The following IPO11 variants were observed in gnomAD, a reference collection of about 807,000 sequenced individuals.
The protein encoded by IPO11 is importin-11.
A neutral mutation model predicts 143.2 loss-of-function variants in IPO11; 66 were observed. The observed-to-expected ratio is 0.46, with a 90% confidence interval of 0.38 to 0.57. The LOEUF (loss-of-function observed/expected upper bound fraction) is 0.57, where lower values mean the gene tolerates loss of function less well. Among genes scored for constraint, IPO11 ranks in the 20% least tolerant of loss-of-function variants. The pLI, the probability that IPO11 is intolerant of heterozygous loss-of-function variation, is 0.00. For missense variants in IPO11, 1,026 were observed against 1,141.0 expected (o/e 0.90, Z 1.45); for synonymous variants, 385 against 377.8 (o/e 1.02, Z -0.22).
At position 62,458,843 on chromosome 5, in the gene IPO11, C is replaced by T. The variant is rs114322839; in HGVS notation, c.516+6910C>T. Among the ~76,000 whole-genome samples, 1,389 of 152,284 alleles carry T rather than the reference C, an allele frequency of 9.1e-3. 20 individuals are homozygous for T. The highest frequency in any genetic ancestry group is 0.031 in the African/African-American group (1,309 of 41,562). ...GATTTTGAATATAGCATGGTGCGTA[C>T]TCTTCCTGTATTGATTCATAAAGCC... On this transcript the variant is annotated intron_variant, in intron 5 of 29. Coordinates refer to ENST00000325324, the MANE Select transcript of IPO11 (RefSeq NM_016338.5).
At position 62,530,804 on chromosome 5, in the gene IPO11, A is replaced by G; in HGVS notation, c.2089+19A>G. 1 of 1,569,320 alleles carries G rather than the reference A, an allele frequency of 6.4e-7. No individual in the cohort carries two copies. Among genetic ancestry groups the G allele is most frequent in the Non-Finnish European group, 8.8e-7 (1 of 1,141,312 alleles). ...CTTCTTGGTATGTGTTAAAGCATAA[A>G]CTTACTAATGTTTTTGAATGCAACC... On this transcript the variant is annotated intron_variant, in intron 22 of 29. Transcript: ENST00000325324.
At chr5:62,538,146 C>T (rs570148665) in intron 24 of IPO11, among the ~76,000 whole-genome samples, 2 of 152,280 alleles carry the variant, frequency 1.3e-5, no homozygotes, top group Admixed American at 6.5e-5. Flanking sequence ...GTGTGAAAAT[C>T]GTGGCATTGC....
chr5:62,526,156 C>T lies in IPO11; in HGVS notation c.1911C>T (p.Asp637=), dbSNP rs766560091. The change falls in exon 21 of 30, where the codon GAC becomes GAT. Residue 637 remains aspartate (D), a synonymous_variant. Coordinates refer to ENST00000325324, the MANE Select transcript of IPO11 (RefSeq NM_016338.5). Reference sequence around the variant, plus strand: ...ACTTCCCATAGGGATTAGGAGCAGACAGCAAGAACCTGTACCCTTTCCTGC... The same window carrying T: ...ACTTCCCATAGGGATTAGGAGCAGATAGCAAGAACCTGTACCCTTTCCTGC... ...LIHLVQGLGA[D]SKNLYPFLLP... is the part of the protein sequence containing the mutation. 1 of 1,610,882 alleles carries T rather than the reference C, an allele frequency of 6.2e-7. No individual in the cohort carries two copies. Among genetic ancestry groups the T allele is most frequent in the Non-Finnish European group, 8.5e-7 (1 of 1,177,254 alleles).
intron 13 of IPO11, 23 bp from the exon 14 acceptor site, chr5:62,489,279 C>A: frequency 7.3e-7 from 1 of 1,362,650 alleles, no homozygotes; most frequent in South Asian, 1.4e-5. Flanking sequence ...TTACTGATAC[C>A]TATTTATATA....
intron 3 of IPO11, among the ~76,000 whole-genome samples, chr5:62,446,309 A>G (rs1450924402): frequency 6.6e-6 from 1 of 152,190 alleles, no homozygotes; most frequent in African/African-American, 2.4e-5. Flanking sequence ...TTTTACACAC[A>G]TGTGCATTTT....
chr5:62,515,537 T>C, intron 20 of IPO11, 36 bp downstream of exon 20: 1 of 1,389,530 alleles, frequency 7.2e-7, no homozygotes, highest in Non-Finnish European at 9.8e-7. Flanking sequence ...TTTAGTTTAG[T>C]GGTTTTTAAA....
intron 16 of IPO11, among the ~76,000 whole-genome samples, chr5:62,494,793 A>G (rs73105990): frequency 0.016 from 2,502 of 152,246 alleles, 65 homozygotes; most frequent in African/African-American, 0.058. Context: ...GTGACTTAAT[A>G]TACATGTTCG....
intron 29 of IPO11, among the ~76,000 whole-genome samples, chr5:62,614,795 C>T (rs904150330): frequency 3.9e-5 from 6 of 152,112 alleles, no homozygotes; most frequent in Admixed American, 6.5e-5. Context: ...CCTCTTAGTA[C>T]GCAGGTCCTT....
In IPO11 at chr5:62,596,268, C is replaced by CAAAAA. The variant is rs71608515; in HGVS notation, c.2678+4607_2678+4611dup. On this transcript the variant is annotated intron_variant, in intron 28 of 29. Transcript: ENST00000325324. ...TGGGTGACAGACCAAGGCCCTGTCT[C>CAAAAA]AAAAAAAAAAAAAAAGAATTTAGCC... is the stretch of plus-strand genomic sequence containing the variant. 9.4e-4 allele frequency among the ~76,000 whole-genome samples: 90 copies of CAAAAA among 95,644 alleles called. 8 individuals are homozygous for CAAAAA. The highest frequency in any genetic ancestry group is 0.012 in the Middle Eastern group (2 of 164). 62.7% of individuals were successfully genotyped at this position (95,644 alleles called of 152,430 possible). A position where few individuals can be genotyped will look rare whatever the true frequency, so the allele number is the denominator to read the frequency against.
Position 62,628,143 on chromosome 5 carries a change from A to G in IPO11, c.*825A>G, listed in dbSNP as rs1185284682. On this transcript the variant is annotated 3_prime_UTR_variant, in exon 30 of 30. Transcript: ENST00000325324. The stretch of plus-strand genomic sequence containing the variant: ...TGTGCTGTGACAGTCCCACGTGGCT[A>G]TGACAGACTGTTTAGTACTTACCCT... 6.6e-6 allele frequency: 1 copy of G among 151,716 alleles called. No individual in the cohort carries two copies. The highest frequency in any genetic ancestry group is 1.5e-5 in the Non-Finnish European group (1 of 67,954). 9.4% of individuals were successfully genotyped at this position (151,716 alleles called of 1,614,324 possible). A position where few individuals can be genotyped will look rare whatever the true frequency, so the allele number is the denominator to read the frequency against.
chr5:62,452,662 CGT>C lies in IPO11; in HGVS notation c.516+752_516+753del, dbSNP rs138539006. 9.5e-3 allele frequency among the ~76,000 whole-genome samples: 1,333 copies of C among 140,108 alleles called. 26 individuals carry two copies. Among genetic ancestry groups the C allele is most frequent in the Admixed American group, 0.015 (218 of 14,256 alleles). The allele number at this position is 140,108 out of a possible 152,430, so 91.9% of individuals were successfully genotyped here. A position where few individuals can be genotyped will look rare whatever the true frequency, so the allele number is the denominator to read the frequency against. The stretch of plus-strand genomic sequence containing the variant: ...TGCACCTTTTTTTTGGTTTTGGGTT[CGT>C]GTGTGTGTGTGTGTGTGTGTGTATG... On this transcript the variant is annotated intron_variant, in intron 5 of 29. Coordinates refer to ENST00000325324, the MANE Select transcript of IPO11 (RefSeq NM_016338.5).
intron 1 of IPO11, among the ~76,000 whole-genome samples, chr5:62,413,214 C>T (rs1009410866): frequency 6.6e-6 from 1 of 152,192 alleles, no homozygotes; most frequent in African/African-American, 2.4e-5. Flanking sequence ...GTGTACCCAT[C>T]GTGACCGCGG....
chr5:62,431,310 C>T (rs1033463865), intron 1 of IPO11, among the ~76,000 whole-genome samples: 1 of 151,922 alleles, frequency 6.6e-6, no homozygotes, highest in Admixed American at 6.6e-5. Context: ...CTTCATTTTC[C>T]TTCCTTTCCC....
chr5:62,570,245 C>G (rs148049272), intron 27 of IPO11, among the ~76,000 whole-genome samples: 139 of 152,156 alleles, frequency 9.1e-4, no homozygotes, highest in African/African-American at 3.0e-3. Flanking sequence ...GGGTTATAAT[C>G]ATTTATAAAA....
Position 62,451,886 on chromosome 5 carries a change from A to G in IPO11, c.469A>G (p.Thr157Ala). 1 of 1,614,116 alleles carries G rather than the reference A, an allele frequency of 6.2e-7. No homozygotes were observed. Among genetic ancestry groups the G allele is most frequent in the Non-Finnish European group, 8.5e-7 (1 of 1,179,946 alleles). The stretch of plus-strand genomic sequence containing the variant: ...ACTTACCTTCTATCATGTTACCAAG[A>G]CACTGGCATCTAAACGACTTGCTGC... ...ALLTFYHVTK[T>A]LASKRLAADR... is the part of the protein sequence containing the mutation. Residue 157 changes from threonine (T) to alanine (A), a missense_variant, in exon 5 of 30, where the codon ACA becomes GCA. Coordinates refer to ENST00000325324, the MANE Select transcript of IPO11 (RefSeq NM_016338.5).
At chr5:62,551,521 CTT>C (rs1185363978) in intron 26 of IPO11, among the ~76,000 whole-genome samples, 185 bp downstream of exon 26, 1 of 152,122 alleles carries the variant, frequency 6.6e-6, no homozygotes, top group Non-Finnish European at 1.5e-5. Context: ...GCACTTGAAA[CTT>C]ATACATTTTT....
At chr5:62,549,560 G>T (rs1052543142) in intron 24 of IPO11, among the ~76,000 whole-genome samples, 2 of 152,166 alleles carry the variant, frequency 1.3e-5, no homozygotes, top group African/African-American at 4.8e-5. Flanking sequence ...CCCTGAGGCT[G>T]TTCCTTGCCC....
intron 7 of IPO11, among the ~76,000 whole-genome samples, chr5:62,471,633 C>G (rs139400639): frequency 1.3e-5 from 2 of 152,040 alleles, no homozygotes. Context: ...CGTTTCCTTA[C>G]TTTTTAAAAA....
At chr5:62,432,025 G>C (rs569724815) in intron 1 of IPO11, among the ~76,000 whole-genome samples, 1 of 152,040 alleles carries the variant, frequency 6.6e-6, no homozygotes, top group Non-Finnish European at 1.5e-5. Context: ...TTTATACCAA[G>C]TTTTTCTTCT....
Sources: allele counts gnomAD v4.1 joint callset (sites outside exome capture counted in the v4.1 genomes callset), GRCh38; gene constraint gnomAD v4.1.1; transcripts MANE v1.5; gene names NCBI Gene and HGNC (gene_info 2026-07-23, HGNC 2026-07-21).